Variants in SUGP1 observed in about 807,000 individuals in gnomAD.
The protein encoded by SUGP1 is SURP and G-patch domain containing 1.
Under a neutral mutation model 76.5 loss-of-function variants are expected in SUGP1, and 34 were observed. That is an observed-to-expected ratio of 0.44 (90% CI 0.34 to 0.59). The LOEUF is 0.59. SUGP1 is among the 20% of genes least tolerant of loss of function. The pLI is 0.01. For missense variants in SUGP1, 752 were observed against 851.7 expected (o/e 0.88, Z 1.46); for synonymous variants, 326 against 326.2 (o/e 1.00, Z 0.01).
At chr19:19,315,061 G>C (rs749185759) in intron 2 of SUGP1, among the ~76,000 whole-genome samples, 2 of 152,172 alleles carry the variant, frequency 1.3e-5, no homozygotes, top group Non-Finnish European at 2.9e-5. Context: ...GCTGGGTGCA[G>C]TGGCTCACAC....
At chr19:19,293,578 CAA>C (rs59794179) in intron 8 of SUGP1, among the ~76,000 whole-genome samples, 4 of 146,010 alleles carry the variant, frequency 2.7e-5, no homozygotes, top group African/African-American at 7.4e-5. Context: ...GACTCTGTCT[CAA>C]AAAAAAAAAG....
chr19:19,296,580 G>A (rs1599857350), intron 8 of SUGP1, among the ~76,000 whole-genome samples: 2 of 151,842 alleles, frequency 1.3e-5, no homozygotes, highest in Admixed American at 6.6e-5. Flanking sequence ...CCAGGAGGCA[G>A]AGCTTATGGT....
intron 3 of SUGP1, among the ~76,000 whole-genome samples, chr19:19,308,741 G>A (rs1414836562): frequency 6.6e-6 from 1 of 152,266 alleles, no homozygotes; most frequent in Non-Finnish European, 1.5e-5. Context: ...ATCTCCCAAA[G>A]TGGTCTCACA....
At chr19:19,300,260 G>A (rs1042043450) in intron 7 of SUGP1, among the ~76,000 whole-genome samples, 3 of 151,626 alleles carry the variant, frequency 2.0e-5, no homozygotes, top group African/African-American at 7.3e-5. Context: ...ATTTTTAGTA[G>A]AGATGGGGTT....
In SUGP1 at chr19:19,306,054, G is replaced by A. The variant is rs774487905; in HGVS notation, c.333C>T (p.Ser111=). The A allele has an allele frequency of 1.1e-5, 17 of 1,605,056 alleles. No individual in the cohort carries two copies. Among genetic ancestry groups the A allele is most frequent in the East Asian group, 8.9e-5 (4 of 44,724 alleles). The stretch of plus-strand genomic sequence containing the variant: ...TGGGGGTGGGTGTGCTGGGAGGGGC[G>A]CTGGGCGCACTGGTCGGGGCGTCTG... ...TSTDAPTSAP[S]APPSTPTPSA... is the part of the protein sequence containing the mutation. The change falls in exon 4 of 14, where the codon AGC becomes AGT. Residue 111 remains serine (S), a synonymous_variant. Transcript: ENST00000247001.
In SUGP1 at chr19:19,306,026, C is replaced by A; in HGVS notation, c.361G>T (p.Ala121Ser). 2.5e-6 allele frequency: 4 copies of A among 1,611,174 alleles called. No individual in the cohort carries two copies. The Admixed American group carries it at 5.0e-5, about 20-fold the overall frequency. The change falls in exon 4 of 14, where the codon GCT becomes TCT. Residue 121 changes from alanine to serine, a missense_variant. Physicochemically the swap from Ala to Ser is moderately conservative, Grantham distance 99. This residue lies in a region of SUGP1 where 620 missense variants were observed against 617.3 expected (regional missense o/e 1.00). Transcript: ENST00000247001. ...CTGATGAGCAGGGACCTCTTCCCAG[C>A]GCTGGGGGTGGGTGTGCTGGGAGGG... ...SAPPSTPTPS[A>S]GKRSLLISRR...
chr19:19,301,513 A>G (rs2061271375), intron 7 of SUGP1: 1 of 152,410 alleles, frequency 6.6e-6, no homozygotes, highest in Admixed American at 6.5e-5. Flanking sequence ...CTGCTGAATC[A>G]ACCAGCCCAG....
chr19:19,318,594 ATTTTC>A (rs1170341026), intron 1 of SUGP1, among the ~76,000 whole-genome samples: 6 of 151,622 alleles, frequency 4.0e-5, no homozygotes, highest in Admixed American at 1.3e-4. Flanking sequence ...AGGCCTAGCT[ATTTTC>A]TTTTATTTTT....
chr19:19,288,940 C>CA (rs1277428969), intron 8 of SUGP1, among the ~76,000 whole-genome samples: 1 of 152,024 alleles, frequency 6.6e-6, no homozygotes, highest in Non-Finnish European at 1.5e-5. Context: ...CATGTGCCAC[C>CA]ATGCCCGGCT....
chr19:19,276,486 G>T lies in SUGP1; in HGVS notation c.*162C>A. 1.3e-6 allele frequency: 1 copy of T among 796,362 alleles called. No homozygotes were observed. Among genetic ancestry groups the T allele is most frequent in the Non-Finnish European group, 2.1e-6 (1 of 486,326 alleles). 49.3% of individuals were successfully genotyped at this position (796,362 alleles called of 1,614,324 possible). On this transcript the variant is annotated 3_prime_UTR_variant, in exon 14 of 14. Transcript: ENST00000247001. ...TTGCATCCCGCTGCTAACAGGAGGG[G>T]CTTCCTGCAACAGGACCAGGCATCT... is the stretch of plus-strand genomic sequence containing the variant.
intron 4 of SUGP1, among the ~76,000 whole-genome samples, chr19:19,305,104 C>A (rs1020927099): frequency 6.6e-6 from 1 of 152,160 alleles, no homozygotes; most frequent in African/African-American, 2.4e-5. Context: ...TCTAATGGCC[C>A]GGGGGCCAAG....
chr19:19,293,681 C>T (rs2061203155), intron 8 of SUGP1, among the ~76,000 whole-genome samples: 1 of 152,110 alleles, frequency 6.6e-6, no homozygotes, highest in Admixed American at 6.6e-5. Context: ...ATACATTTCA[C>T]AGACTGGTAA....
rs2061233690 is a variant in SUGP1, at chr19:19,297,195, G to A, written c.1037C>T (p.Ser346Phe). Reference protein sequence around the residue: ...RKSPPEALSGSLPPATTCPAS... With the variant: ...RKSPPEALSGFLPPATTCPAS... ...GGGGCAGGTGGTGGCTGGGGGTAAG[G>A]ACCCTGACAGGGCCTCAGGAGGGGA... is the stretch of plus-strand genomic sequence containing the variant. The change falls in exon 8 of 14, where the codon TCC (serine) becomes TTC (phenylalanine). Residue 346 changes from serine (S) to phenylalanine (F), a missense_variant. Around this residue, in one of 2 missense-constraint regions of SUGP1, gnomAD observed 620 missense variants for 617.3 expected, o/e 1.00. Coordinates refer to ENST00000247001, the MANE Select transcript of SUGP1 (RefSeq NM_172231.4). The A allele has an allele frequency of 6.2e-7, 1 of 1,607,438 alleles. No homozygotes were observed. The highest frequency in any genetic ancestry group is 8.5e-7 in the Non-Finnish European group (1 of 1,174,924).
At chr19:19,281,151 T>C (rs1288087457) in intron 8 of SUGP1, 1 of 152,286 alleles carries the variant, frequency 6.6e-6, no homozygotes, top group Non-Finnish European at 1.5e-5. Context: ...TTGATTGCCT[T>C]AGAGCATGCC....
Position 19,276,527 on chromosome 19 carries a change from T to G in SUGP1, c.*121A>C, listed in dbSNP as rs572586717. The G allele has an allele frequency of 1.2e-5, 15 of 1,233,930 alleles. No individual in the cohort carries two copies. Among genetic ancestry groups the G allele is most frequent in the African/African-American group, 1.2e-4 (8 of 67,516 alleles). The allele number at this position is 1,233,930 out of a possible 1,614,324, so 76.4% of individuals were successfully genotyped here. Reference sequence around the variant, plus strand: ...CCAGGCATCTGTGGTGGATGAGCACTGGGACTTTATTACACGGCACGGCAC... The same window carrying G: ...CCAGGCATCTGTGGTGGATGAGCACGGGGACTTTATTACACGGCACGGCAC... On this transcript the variant is annotated 3_prime_UTR_variant, in exon 14 of 14. Transcript: ENST00000247001.
chr19:19,285,066 A>G (rs1350783825), intron 8 of SUGP1, among the ~76,000 whole-genome samples: 1 of 151,322 alleles, frequency 6.6e-6, no homozygotes, highest in Non-Finnish European at 1.5e-5. Flanking sequence ...ACGGGGTTTC[A>G]CCGTGTTAGC....
chr19:19,304,152 CT>C, intron 4 of SUGP1: 7 of 777,284 alleles, frequency 9.0e-6, no homozygotes, highest in Non-Finnish European at 1.4e-5. Context: ...TAATTCTTTT[CT>C]TTCTTTACCA....
At chr19:19,305,567 C>T in intron 4 of SUGP1, 1 of 356,758 alleles carries the variant, frequency 2.8e-6, no homozygotes, top group African/African-American at 2.1e-5. Context: ...AGGGCGTGCG[C>T]CCCTGCCTTG....
At chr19:19,318,797 G>C (rs1275878124) in intron 1 of SUGP1, among the ~76,000 whole-genome samples, 2 of 151,722 alleles carry the variant, frequency 1.3e-5, no homozygotes, top group Admixed American at 6.6e-5. Context: ...AGAATCCACA[G>C]GCAACAAGAC....
Sources: allele counts gnomAD v4.1 joint callset (sites outside exome capture counted in the v4.1 genomes callset), GRCh38; gene constraint gnomAD v4.1.1; regional missense constraint gnomAD v4.1.1; transcripts MANE v1.5; gene names NCBI Gene and HGNC (gene_info 2026-07-23, HGNC 2026-07-21).